Variants in CAPS observed in about 807,000 individuals in gnomAD.
CAPS encodes the protein calcyphosine.
Under a neutral mutation model 15.5 loss-of-function variants are expected in CAPS, and 16 were observed. That is an observed-to-expected ratio of 1.03 (90% CI 0.70 to 1.57). CAPS has a LOEUF of 1.57. CAPS is among the 40% of genes most tolerant of loss of function. The pLI, the probability that CAPS is intolerant of heterozygous loss-of-function variation, is 0.00. For synonymous variants in CAPS, 121 were observed against 116.0 expected, an observed-to-expected ratio of 1.04 and a Z score of -0.28; for missense variants, 294 against 278.4, an observed-to-expected ratio of 1.06 and a Z score of -0.40.
rs371122890 is a variant in CAPS at position 5,915,232 on chromosome 19, G to A, written c.480G>A (p.Ala160=). 3.2e-5 allele frequency: 51 copies of A among 1,612,782 alleles called. No individual in the cohort carries two copies. Among genetic ancestry groups the A allele is most frequent in the Admixed American group, 6.7e-5 (4 of 59,982 alleles). Residue 160 remains alanine (A), a synonymous_variant, in exon 5 of 5, where the codon GCG becomes GCA. Transcript: ENST00000588776. ...CCCTCTGTTCCCAGGTCACACTGGCGGAATTCCAGGACTACTACAGCGGCG... is the reference window on the plus strand; with the variant it reads ...CCCTCTGTTCCCAGGTCACACTGGCAGAATTCCAGGACTACTACAGCGGCG... ...SSEKDGQVTL[A]EFQDYYSGVS...
At chr19:5,914,900 T>A in intron 3 of CAPS, 40 bp from the exon 4 acceptor site, 1 of 1,566,200 alleles carries the variant, frequency 6.4e-7, no homozygotes. Flanking sequence ...GGGGTTTGGG[T>A]GTGCTACCCA....
intron 4 of CAPS, 36 bp from the exon 5 acceptor site, chr19:5,915,185 C>G (rs756651375): frequency 3.6e-5 from 58 of 1,611,118 alleles, no homozygotes; most frequent in Non-Finnish European, 7.6e-6. Context: ...CCAGGCAGTT[C>G]CTCGGCCGTG....
Position 5,914,334 on chromosome 19 carries a change from C to T in CAPS, c.-23+25C>T, listed in dbSNP as rs184365430. 184 of 1,612,636 alleles carry T rather than the reference C, an allele frequency of 1.1e-4. No homozygotes were observed. The East Asian group carries it at 3.7e-3, about 33-fold the overall frequency. ...GGTGAGCATCTGAACAAGGGGCAGT[C>T]GGCCAGGGTGGGCTTGCGGGAGTCC... On this transcript the variant is annotated intron_variant, in intron 1 of 4. Transcript: ENST00000588776.
chr19:5,915,189 G>C (rs747333960), intron 4 of CAPS, 32 bp from the exon 5 acceptor site: 4 of 1,611,678 alleles, frequency 2.5e-6, no homozygotes, highest in African/African-American at 1.3e-5. Flanking sequence ...GCAGTTCCTC[G>C]GCCGTGCCCC....
rs138912753 is a variant in CAPS at position 5,914,733 on chromosome 19, C to T, written c.254C>T (p.Ala85Val). The change falls in exon 3 of 5, where the codon GCG becomes GTG. Residue 85 changes from alanine to valine, a missense_variant. Ala to Val is a moderately conservative substitution (Grantham distance 64, BLOSUM62 0). Transcript: ENST00000588776. ...CTGGATCTGGAGGAGTTCCTTCGGGCGCTGCGGGTGAGCCCCCACCTCACA... is the reference window on the plus strand; with the variant it reads ...CTGGATCTGGAGGAGTTCCTTCGGGTGCTGCGGGTGAGCCCCCACCTCACA... ...GTLDLEEFLR[A>V]LRPPMSQARE... 26 of 1,608,228 alleles carry T rather than the reference C, an allele frequency of 1.6e-5. No homozygotes were observed. The African/African-American group carries it at 1.9e-4, about 12-fold the overall frequency.
In CAPS at chr19:5,915,235, A is replaced by C. The variant is rs766821913; in HGVS notation, c.483A>C (p.Glu161Asp). 6.2e-7 allele frequency: 1 copy of C among 1,612,892 alleles called. No individual in the cohort carries two copies. Among genetic ancestry groups the C allele is most frequent in the African/African-American group, 1.3e-5 (1 of 74,912 alleles). The change falls in exon 5 of 5, where the codon GAA becomes GAC. Residue 161 changes from glutamate to aspartate, a missense_variant. By Grantham distance (45) the Glu-to-Asp change is conservative. Coordinates refer to ENST00000588776, the MANE Select transcript of CAPS (RefSeq NM_004058.5). ...SEKDGQVTLA[E>D]FQDYYSGVSA... ...TCTGTTCCCAGGTCACACTGGCGGA[A>C]TTCCAGGACTACTACAGCGGCGTGA...
In CAPS at chr19:5,914,499, C is replaced by T. The variant is rs760525800; in HGVS notation, c.83+10C>T. On this transcript the variant is annotated intron_variant, in intron 2 of 4. Coordinates refer to ENST00000588776, the MANE Select transcript of CAPS (RefSeq NM_004058.5). ...TCCAGGGCCTGGCCAGGTGAGCTGT[C>T]CCCTCTCACCTTCCTGACCCCGGCC... 6 of 1,607,576 alleles carry T rather than the reference C, an allele frequency of 3.7e-6. No individual in the cohort carries two copies. The highest frequency in any genetic ancestry group is 5.1e-6 in the Non-Finnish European group (6 of 1,175,590).
chr19:5,915,387 C>A lies in CAPS; in HGVS notation c.*65C>A. The A allele has an allele frequency of 8.4e-7, 1 of 1,186,584 alleles. No individual in the cohort carries two copies. The highest frequency in any genetic ancestry group is 1.2e-6 in the Non-Finnish European group (1 of 841,580). The allele number at this position is 1,186,584 out of a possible 1,614,324, so 73.5% of individuals were successfully genotyped here. ...CCCACCCCTGCCGGAGACCTCCCTT[C>A]CCTGGGCCCCTTCTCTCCTGGGCAG... is the stretch of plus-strand genomic sequence containing the variant. On this transcript the variant is annotated 3_prime_UTR_variant, in exon 5 of 5. Transcript: ENST00000588776.
rs774853491 is a variant in CAPS at position 5,914,684 on chromosome 19, T to TGGGACCGCAATGGCAGC, written c.211_227dup (p.Leu77AlafsTer43). Reference sequence around the variant, plus strand: ...GGAGGCAGAGGGTGTGTGCAGGAAGTGGGACCGCAATGGCAGCGGGACGCT... The same window carrying TGGGACCGCAATGGCAGC: ...GGAGGCAGAGGGTGTGTGCAGGAAGTGGGACCGCAATGGCAGCGGGACCGCAATGGCAGCGGGACGCT... On this transcript the variant is annotated frameshift_variant, in exon 3 of 5. Coordinates refer to ENST00000588776, the MANE Select transcript of CAPS (RefSeq NM_004058.5). LOFTEE classifies it high-confidence loss of function. 6.2e-7 allele frequency: 1 copy of TGGGACCGCAATGGCAGC among 1,613,922 alleles called. No homozygotes were observed. The highest frequency in any genetic ancestry group is 2.2e-5 in the East Asian group (1 of 44,866).
At position 5,915,226 on chromosome 19, in the gene CAPS, A is replaced by G. The variant is rs77750510; in HGVS notation, c.474A>G (p.Thr158=). Residue 158 remains threonine (T), a synonymous_variant, in exon 5 of 5, where the codon ACA becomes ACG. Transcript: ENST00000588776. ...FDSSEKDGQV[T]LAEFQDYYSG... is the part of the protein sequence containing the mutation. ...TCACGGCCCTCTGTTCCCAGGTCAC[A>G]CTGGCGGAATTCCAGGACTACTACA... 2.6e-3 allele frequency: 4,259 copies of G among 1,612,806 alleles called. 103 individuals are homozygous for G. In the African/African-American group the frequency reaches 0.051, roughly 19 times the overall value.
chr19:5,915,824 A>ACC lies in CAPS; in HGVS notation c.*506_*507dup, dbSNP rs1251171000. The ACC allele has an allele frequency of 6.5e-6, 1 of 153,230 alleles. No homozygotes were observed. The highest frequency in any genetic ancestry group is 1.4e-5 in the Non-Finnish European group (1 of 69,022). 9.5% of individuals were successfully genotyped at this position (153,230 alleles called of 1,614,324 possible). On this transcript the variant is annotated 3_prime_UTR_variant, in exon 5 of 5. Coordinates refer to ENST00000588776, the MANE Select transcript of CAPS (RefSeq NM_004058.5). ...TGAAAAAAAAATCTGTAAAACATCA[A>ACC]CCCCCAATCAGAAGATGGCAAATGG...
intron 4 of CAPS, 29 bp from the exon 5 acceptor site, chr19:5,915,192 C>T (rs772758132): frequency 4.2e-5 from 67 of 1,610,908 alleles, no homozygotes; most frequent in African/African-American, 6.7e-5. Context: ...GTTCCTCGGC[C>T]GTGCCCCCTC....
chr19:5,914,344 G>A, intron 1 of CAPS, 35 bp downstream of exon 1: 1 of 1,612,860 alleles, frequency 6.2e-7, no homozygotes, highest in Non-Finnish European at 8.5e-7. Flanking sequence ...CGGCCAGGGT[G>A]GGCTTGCGGG....
rs2144987374 is a variant in CAPS, at chr19:5,916,020, T to C, written c.*698T>C. The C allele has an allele frequency of 6.6e-6, 1 of 151,946 alleles. No individual in the cohort carries two copies. Among genetic ancestry groups the C allele is most frequent in the South Asian group, 2.1e-4 (1 of 4,816 alleles). 9.4% of individuals were successfully genotyped at this position (151,946 alleles called of 1,614,324 possible). A position where few individuals can be genotyped will look rare whatever the true frequency, so the allele number is the denominator to read the frequency against. ...CAGGGCTGTGGCTGGACCCCAGCAC[T>C]GGTGACACGCTGGGTGGGAGCATGA... On this transcript the variant is annotated 3_prime_UTR_variant, in exon 5 of 5. Coordinates refer to ENST00000588776, the MANE Select transcript of CAPS (RefSeq NM_004058.5).
At position 5,914,319 on chromosome 19, in the gene CAPS, T is replaced by C. The variant is rs1425272609; in HGVS notation, c.-23+10T>C. ...GACAGACGCAGGCCAGGTGAGCATC[T>C]GAACAAGGGGCAGTCGGCCAGGGTG... On this transcript the variant is annotated intron_variant, in intron 1 of 4. Transcript: ENST00000588776. The C allele has an allele frequency of 3.1e-6, 5 of 1,611,886 alleles. No individual in the cohort carries two copies. Among genetic ancestry groups the C allele is most frequent in the Non-Finnish European group, 4.2e-6 (5 of 1,179,480 alleles).
Position 5,915,541 on chromosome 19 carries a change from CAGGG to C in CAPS, c.*222_*225del, listed in dbSNP as rs2057726714. On this transcript the variant is annotated 3_prime_UTR_variant, in exon 5 of 5. Coordinates refer to ENST00000588776, the MANE Select transcript of CAPS (RefSeq NM_004058.5). The stretch of plus-strand genomic sequence containing the variant: ...AACAGGAGTCACTGGCTCAGGACCC[CAGGG>C]AGAAACGCTCTCCCCACCCACGCCA... 1.9e-6 allele frequency: 1 copy of C among 535,448 alleles called. No individual in the cohort carries two copies. The highest frequency in any genetic ancestry group is 1.9e-5 in the African/African-American group (1 of 52,762). 33.2% of individuals were successfully genotyped at this position (535,448 alleles called of 1,614,324 possible). A position where few individuals can be genotyped will look rare whatever the true frequency, so the allele number is the denominator to read the frequency against.
Position 5,914,576 on chromosome 19 carries a change from C to G in CAPS, c.97C>G (p.Leu33Val), listed in dbSNP as rs2057713939. The change falls in exon 3 of 5, where the codon CTA (leucine) becomes GTA (valine). Residue 33 changes from leucine to valine, a missense_variant. Coordinates refer to ENST00000588776, the MANE Select transcript of CAPS (RefSeq NM_004058.5). ...CCCTGCCTCCAGGTTTTTCCGCCAA[C>G]TAGACCGGGACGGGAGCAGATCCCT... Reference protein sequence around the residue: ...IQGLARFFRQLDRDGSRSLDA... With the variant: ...IQGLARFFRQVDRDGSRSLDA... 1.2e-6 allele frequency: 2 copies of G among 1,606,876 alleles called. No homozygotes were observed. The highest frequency in any genetic ancestry group is 1.3e-5 in the African/African-American group (1 of 74,930).
At position 5,915,418 on chromosome 19, in the gene CAPS, C is replaced by T; in HGVS notation, c.*96C>T. 4.5e-6 allele frequency: 4 copies of T among 884,372 alleles called. No individual in the cohort carries two copies. Among genetic ancestry groups the T allele is most frequent in the East Asian group, 5.3e-5 (2 of 37,824 alleles). 54.8% of individuals were successfully genotyped at this position (884,372 alleles called of 1,614,324 possible). A position where few individuals can be genotyped will look rare whatever the true frequency, so the allele number is the denominator to read the frequency against. The stretch of plus-strand genomic sequence containing the variant: ...GCCCCTTCTCTCCTGGGCAGCCACA[C>T]CACAGAGCGGGGAGGGGCAGGTGGG... On this transcript the variant is annotated 3_prime_UTR_variant, in exon 5 of 5. Transcript: ENST00000588776.
chr19:5,914,460 C>G lies in CAPS; in HGVS notation c.54C>G (p.Arg18=). The stretch of plus-strand genomic sequence containing the variant: ...AACTCCGGGCACAGTGCCTGTCCCG[C>G]GGGGCCTCGGGCATCCAGGGCCTGG... The part of the protein sequence containing the change: ...MEKLRAQCLS[R]GASGIQGLAR... Residue 18 remains arginine, a synonymous_variant, in exon 2 of 5, where the codon CGC becomes CGG. Transcript: ENST00000588776. The G allele has an allele frequency of 6.2e-7, 1 of 1,612,380 alleles. No homozygotes were observed. Among genetic ancestry groups the G allele is most frequent in the South Asian group, 1.1e-5 (1 of 91,048 alleles).
Sources: allele counts gnomAD v4.1 joint callset, GRCh38; gene constraint gnomAD v4.1.1; transcripts MANE v1.5; gene names NCBI Gene and HGNC (gene_info 2026-07-23, HGNC 2026-07-21).